The following CCR5AS variants were observed in gnomAD, a reference collection of about 807,000 sequenced individuals.
CCR5AS encodes the protein CCR5 antisense RNA.
At chr3:46,394,333 G>A (rs1021608684) in intron 1 of CCR5AS, among the ~76,000 whole-genome samples, 1 of 152,102 alleles carries the variant, frequency 6.6e-6, no homozygotes, top group African/African-American at 2.4e-5. Context: ...AGGGCTCTGG[G>A]GCATGTCAGG....
intron 1 of CCR5AS, among the ~76,000 whole-genome samples, chr3:46,402,479 C>T (rs1017331535): frequency 6.6e-6 from 1 of 152,180 alleles, no homozygotes; most frequent in Non-Finnish European, 1.5e-5. Flanking sequence ...CATTAAGAAG[C>T]AGTGGTATTT....
At chr3:46,379,909 TAAATAAATAAA>T (rs1380641241) in intron 2 of CCR5AS, among the ~76,000 whole-genome samples, 1 of 148,096 alleles carries the variant, frequency 6.8e-6, no homozygotes, top group Non-Finnish European at 1.5e-5. Context: ...AATAAATAAA[TAAATAAATAAA>T]TAAATAAATA....
At chr3:46,369,083 C>T (rs934029344) in intron 3 of CCR5AS, among the ~76,000 whole-genome samples, 3 of 152,214 alleles carry the variant, frequency 2.0e-5, no homozygotes, top group African/African-American at 7.2e-5. Context: ...TTCAAAAGCA[C>T]ACTTTATATT....
At chr3:46,387,865 C>A (rs1701876431) in intron 2 of CCR5AS, among the ~76,000 whole-genome samples, 2 of 152,002 alleles carry the variant, frequency 1.3e-5, no homozygotes, top group African/African-American at 4.8e-5. Context: ...GGGGGTTGTC[C>A]TCTTGCGGGT....
intron 2 of CCR5AS, among the ~76,000 whole-genome samples, chr3:46,382,987 A>G (rs1361679716): frequency 6.6e-6 from 1 of 152,242 alleles, no homozygotes. Flanking sequence ...TGCCTGGCAC[A>G]TAAAAGCTCT....
intron 2 of CCR5AS, among the ~76,000 whole-genome samples, chr3:46,382,871 T>C (rs1701827872): frequency 6.6e-6 from 1 of 152,226 alleles, no homozygotes; most frequent in African/African-American, 2.4e-5. Flanking sequence ...GCTTACTGTT[T>C]CCAAGCCTCA....
chr3:46,381,850 T>C (rs1346553271), intron 2 of CCR5AS, among the ~76,000 whole-genome samples: 3 of 152,192 alleles, frequency 2.0e-5, no homozygotes, highest in Admixed American at 1.3e-4. Flanking sequence ...CTTGGGGCTG[T>C]GGGAGCTTGG....
At chr3:46,384,898 T>C (rs866979066) in intron 2 of CCR5AS, among the ~76,000 whole-genome samples, 4 of 128,580 alleles carry the variant, frequency 3.1e-5, no homozygotes, top group African/African-American at 1.1e-4. Context: ...GATAGATAGA[T>C]AGATAGATAG....
intron 1 of CCR5AS, among the ~76,000 whole-genome samples, chr3:46,398,390 C>A (rs1474488191): frequency 6.6e-6 from 1 of 152,196 alleles, no homozygotes; most frequent in African/African-American, 2.4e-5. Context: ...AATGGATCAC[C>A]TTGAGTGATA....
chr3:46,406,049 T>C (rs1240108767), intron 1 of CCR5AS, among the ~76,000 whole-genome samples: 1 of 152,024 alleles, frequency 6.6e-6, no homozygotes, highest in Non-Finnish European at 1.5e-5. Context: ...CTAATTTTTA[T>C]ATTGTTTATA....
chr3:46,397,947 T>G (rs558265007), intron 1 of CCR5AS, among the ~76,000 whole-genome samples: 1 of 152,320 alleles, frequency 6.6e-6, no homozygotes, highest in South Asian at 2.1e-4. Flanking sequence ...AAAAAGGCCA[T>G]GTCCGTGTAA....
intron 3 of CCR5AS, among the ~76,000 whole-genome samples, chr3:46,367,365 TAAA>T (rs10714482): frequency 2.3e-4 from 30 of 129,604 alleles, no homozygotes; most frequent in Admixed American, 3.7e-4. Flanking sequence ...AATCTTTAGC[TAAA>T]AAAAAAAAAA....
chr3:46,391,197 G>A (rs1007347563), intron 2 of CCR5AS, among the ~76,000 whole-genome samples: 1 of 152,226 alleles, frequency 6.6e-6, no homozygotes, highest in Non-Finnish European at 1.5e-5. Context: ...GGCACTTGAA[G>A]GAAGATCCTG....
intron 2 of CCR5AS, among the ~76,000 whole-genome samples, chr3:46,371,771 CAG>C (rs3054375): frequency 0.3 from 45,583 of 151,976 alleles, 7,754 homozygotes; most frequent in East Asian, 0.56. Context: ...TGTGGCAACT[CAG>C]AAACTACAAA....
intron 2 of CCR5AS, among the ~76,000 whole-genome samples, chr3:46,380,948 G>A (rs1363862087): frequency 6.6e-6 from 1 of 152,168 alleles, no homozygotes; most frequent in Non-Finnish European, 1.5e-5. Flanking sequence ...CCTGGCCTGG[G>A]GTGGCATGTG....
At chr3:46,369,358 C>T (rs1025291772) in intron 3 of CCR5AS, among the ~76,000 whole-genome samples, 8 of 142,376 alleles carry the variant, frequency 5.6e-5, no homozygotes, top group South Asian at 4.3e-4. Flanking sequence ...TGAACTAGAA[C>T]ATTTTCTCGA....
chr3:46,365,816 G>C (rs879746736), intron 3 of CCR5AS, among the ~76,000 whole-genome samples: 10 of 152,178 alleles, frequency 6.6e-5, no homozygotes, highest in Admixed American at 6.5e-5. Context: ...TTCCTGCCCA[G>C]TTCCCTCCTG....
At chr3:46,389,052 C>CAGAA (rs1390144475) in intron 2 of CCR5AS, among the ~76,000 whole-genome samples, 3 of 152,052 alleles carry the variant, frequency 2.0e-5, no homozygotes, top group Non-Finnish European at 4.4e-5. Context: ...TATGACTAGA[C>CAGAA]AGAAGATAGT....
rs1446721888 is a variant in CCR5AS at position 46,386,115 on chromosome 3, C to A, written n.391+6710G>T. 1.3e-5 allele frequency among the ~76,000 whole-genome samples: 2 copies of A among 151,966 alleles called. 1 individual carries two copies. Among genetic ancestry groups the A allele is most frequent in the Non-Finnish European group, 2.9e-5 (2 of 68,002 alleles). The stretch of plus-strand genomic sequence containing the variant: ...TTTTTTTGTAGAGACAGGGTCTTGC[C>A]ATGTTCCCCAGGCTGGTCTTGAACT... On this transcript the variant is annotated intron_variant and non_coding_transcript_variant, in intron 2 of 3. Coordinates refer to ENST00000451485, the Ensembl canonical transcript of CCR5AS.
Sources: allele counts gnomAD v4.1 joint callset (sites outside exome capture counted in the v4.1 genomes callset), GRCh38; gene constraint gnomAD v4.1.1; transcripts MANE v1.5; gene names NCBI Gene and HGNC (gene_info 2026-07-23, HGNC 2026-07-21).